The following GRM5 variants were observed in gnomAD, a reference collection of about 807,000 sequenced individuals.
GRM5 encodes the protein glutamate metabotropic receptor 5.
GRM5 carries 19 observed loss-of-function variants against 83.1 expected under a neutral mutation model. The observed-to-expected ratio is 0.23, with a 90% CI of 0.16 to 0.34. GRM5 has a LOEUF of 0.34. Among genes scored for constraint, GRM5 ranks in the 10% least tolerant of loss-of-function variants. The probability of loss-of-function intolerance (pLI) is 1.00; values close to 1 mark genes in which losing one functional copy is unlikely to be tolerated. For missense variants in GRM5, 1,160 were observed against 1,588.3 expected (o/e 0.73, Z 4.58); for synonymous variants, 675 against 633.6 (o/e 1.07, Z -0.98).
chr11:88,668,712 G>T (rs57227308), intron 3 of GRM5, among the ~76,000 whole-genome samples: 1,709 of 152,240 alleles, frequency 0.011, 30 homozygotes, highest in African/African-American at 0.04. Context: ...GTACAATATT[G>T]TTAACTATAA....
rs1223697347 is a variant in GRM5, at chr11:89,047,100, G to A, written c.661+112C>T. The A allele has an allele frequency of 8.5e-6, 7 of 820,048 alleles. No homozygotes were observed. The highest frequency in any genetic ancestry group is 7.6e-5 in the Admixed American group (3 of 39,364). The allele number at this position is 820,048 out of a possible 1,614,324, so 50.8% of individuals were successfully genotyped here. A position where few individuals can be genotyped will look rare whatever the true frequency, so the allele number is the denominator to read the frequency against. On this transcript the variant is annotated intron_variant, in intron 2 of 9. Transcript: ENST00000305447. The surrounding 1 kb of genome is among the most constrained non-coding windows in gnomAD (Gnocchi z 5.1). ...TGTTCTTATAGTACTGGTATAACTC[G>A]GACAATTCAAAATATCCAAAATAAT...
Position 88,810,361 on chromosome 11 carries a change from A to G in GRM5, c.911+39545T>C, listed in dbSNP as rs572329594. ...AAGAGGATTAGTCTCTGGTGGCATT[A>G]GTAAAAATAAAACATGGGAATGAGT... On this transcript the variant is annotated intron_variant, in intron 3 of 9. Coordinates refer to ENST00000305447, the MANE Select transcript of GRM5 (RefSeq NM_001143831.3). Among the ~76,000 whole-genome samples the G allele has an allele frequency of 3.7e-4, 57 of 152,272 alleles. 1 individual carries two copies. Among genetic ancestry groups the G allele is most frequent in the Admixed American group, 3.7e-3 (57 of 15,282 alleles).
rs190241359 is a variant in GRM5 at position 88,525,480 on chromosome 11, C to T, written c.2631-76G>A. 103 of 907,892 alleles carry T rather than the reference C, an allele frequency of 1.1e-4. 2 individuals are homozygous for T. The highest frequency in any genetic ancestry group is 1.0e-3 in the East Asian group (43 of 41,162). 56.2% of individuals were successfully genotyped at this position (907,892 alleles called of 1,614,324 possible). A position where few individuals can be genotyped will look rare whatever the true frequency, so the allele number is the denominator to read the frequency against. On this transcript the variant is annotated intron_variant, in intron 8 of 9. Transcript: ENST00000305447. ...CTTAACTGCCAGGCTGAGGAACGGC[C>T]GTGACTGTGGAGATGGTCACTCTGT...
At chr11:88,928,518 CATA>C (rs1259119365) in intron 2 of GRM5, among the ~76,000 whole-genome samples, 2 of 149,806 alleles carry the variant, frequency 1.3e-5, no homozygotes, top group African/African-American at 4.9e-5. Context: ...ACTATTAATT[CATA>C]ATGAGTGGTG....
chr11:88,880,720 A>C (rs183415442), intron 2 of GRM5, among the ~76,000 whole-genome samples: 2 of 152,180 alleles, frequency 1.3e-5, no homozygotes, highest in South Asian at 2.1e-4. Context: ...GGGAAATCTT[A>C]AGCAAATAGA....
intron 3 of GRM5, among the ~76,000 whole-genome samples, chr11:88,702,806 G>C (rs1033604467): frequency 1.3e-5 from 2 of 151,960 alleles, no homozygotes; most frequent in Admixed American, 1.3e-4. Context: ...TATACACCAG[G>C]GGCACCATGC....
rs1940923455 is a variant in GRM5, at chr11:89,019,117, C to T, written c.661+28095G>A. ...TTGTCATGTTTTTATTGTTTTAGAT[C>T]ACCTTGACAGTTTTGAGGAGCACGA... On this transcript the variant is annotated intron_variant, in intron 2 of 9. Transcript: ENST00000305447. 2.0e-5 allele frequency among the ~76,000 whole-genome samples: 3 copies of T among 152,058 alleles called. 1 individual carries two copies. Among genetic ancestry groups the T allele is most frequent in the Admixed American group, 2.0e-4 (3 of 15,262 alleles).
chr11:88,754,075 A>T (rs1464889051), intron 3 of GRM5, among the ~76,000 whole-genome samples: 1 of 152,124 alleles, frequency 6.6e-6, no homozygotes, highest in Non-Finnish European at 1.5e-5. Flanking sequence ...ACCAAACCAT[A>T]TCATACACCA....
At chr11:88,872,645 C>A (rs11021643) in intron 2 of GRM5, among the ~76,000 whole-genome samples, 2,430 of 151,022 alleles carry the variant, frequency 0.016, 64 homozygotes, top group African/African-American at 0.056. Flanking sequence ...TCACTGACAC[C>A]ACCCCTTCCT....
chr11:88,631,571 G>A (rs1199100522), intron 4 of GRM5, among the ~76,000 whole-genome samples: 1 of 152,122 alleles, frequency 6.6e-6, no homozygotes, highest in Non-Finnish European at 1.5e-5. Context: ...TGTCTGAGTT[G>A]TATAAATGAA....
intron 3 of GRM5, among the ~76,000 whole-genome samples, chr11:88,740,598 C>T (rs1942006933): frequency 6.6e-6 from 1 of 152,030 alleles, no homozygotes; most frequent in Non-Finnish European, 1.5e-5. Flanking sequence ...TCCCACATTA[C>T]TCCACCAGAG....
chr11:88,990,478 T>C (rs911659672), intron 2 of GRM5, among the ~76,000 whole-genome samples: 20 of 151,394 alleles, frequency 1.3e-4, no homozygotes, highest in African/African-American at 3.2e-4. Flanking sequence ...TTCCAATCAA[T>C]AGAAAAAGAG....
intron 2 of GRM5, among the ~76,000 whole-genome samples, chr11:88,978,845 G>A (rs669724): frequency 0.081 from 12,325 of 152,024 alleles, 1,546 homozygotes; most frequent in African/African-American, 0.27. Context: ...TCAGAGTAGG[G>A]AACTTGTCAA....
At chr11:88,564,767 G>C (rs1942836048) in intron 8 of GRM5, among the ~76,000 whole-genome samples, 1 of 152,184 alleles carries the variant, frequency 6.6e-6, no homozygotes, top group Admixed American at 6.5e-5. Flanking sequence ...GGTAAAGAAG[G>C]CCTCCATCCC....
intron 8 of GRM5, among the ~76,000 whole-genome samples, chr11:88,553,063 C>T (rs1043808824): frequency 6.6e-6 from 1 of 152,130 alleles, no homozygotes; most frequent in Non-Finnish European, 1.5e-5. Flanking sequence ...TCACTAAAGT[C>T]AATTTGCTCA....
At chr11:88,984,778 G>A (rs777749090) in intron 2 of GRM5, 2 of 738,796 alleles carry the variant, frequency 2.7e-6, no homozygotes, top group Non-Finnish European at 5.1e-6. Context: ...CACTGCTGGG[G>A]AAACAGAGAG....
At position 89,064,854 on chromosome 11, in the gene GRM5, TTCTCTC is replaced by T. The variant is rs144985912; in HGVS notation, c.-201+916_-201+921del. Among the ~76,000 whole-genome samples, 407 of 45,996 alleles carry T rather than the reference TTCTCTC, an allele frequency of 8.8e-3. 5 individuals are homozygous for T. The highest frequency in any genetic ancestry group is 0.04 in the East Asian group (42 of 1,038). The allele number at this position is 45,996 out of a possible 152,430, so 30.2% of individuals were successfully genotyped here. The stretch of plus-strand genomic sequence containing the variant: ...CTCTTCCCTGTATTCATTTTTCATA[TTCTCTC>T]TCTCTCTCTCTCTCTCTCTCTCTCT... On this transcript the variant is annotated intron_variant, in intron 1 of 9. Transcript: ENST00000305447.
At chr11:88,709,387 T>C (rs1267695280) in intron 3 of GRM5, among the ~76,000 whole-genome samples, 1 of 152,076 alleles carries the variant, frequency 6.6e-6, no homozygotes, top group East Asian at 1.9e-4. Flanking sequence ...TGGACTTTTT[T>C]CTGAAGAATA....
intron 8 of GRM5, among the ~76,000 whole-genome samples, chr11:88,561,029 T>C (rs12294195): frequency 0.054 from 8,203 of 152,110 alleles, 696 homozygotes; most frequent in African/African-American, 0.18. Flanking sequence ...GAGTAGGATC[T>C]GGAGAGATAG....
Sources: allele counts gnomAD v4.1 joint callset (sites outside exome capture counted in the v4.1 genomes callset), GRCh38; gene constraint gnomAD v4.1.1; non-coding constraint Gnocchi (gnomAD v3.1); transcripts MANE v1.5; gene names NCBI Gene and HGNC (gene_info 2026-07-23, HGNC 2026-07-21).